INTU: variants seen among roughly 807,000 people sequenced by gnomAD.
The protein encoded by INTU is protein inturned.
In INTU, 68 loss-of-function variants were observed where a neutral mutation model predicts 100.5. The ratio of observed to expected loss-of-function variants is 0.68; its 90% CI spans 0.56 to 0.83. The LOEUF is 0.83. INTU is among the 40% of genes least tolerant of loss of function. The pLI, the probability that INTU is intolerant of heterozygous loss-of-function variation, is 0.00. For synonymous variants in INTU, 357 were observed against 395.7 expected, an observed-to-expected ratio of 0.90 and a Z score of 1.16; for missense variants, 1,071 against 1,114.7, an observed-to-expected ratio of 0.96 and a Z score of 0.56.
At chr4:127,634,936 CAAAGGCACAGG>C (rs978638302) in intron 1 of INTU, among the ~76,000 whole-genome samples, 24 of 152,212 alleles carry the variant, frequency 1.6e-4, no homozygotes, top group African/African-American at 5.5e-4. Context: ...ACTCTTTAAT[CAAAGGCACAGG>C]AATGCCAACC....
chr4:127,644,060 AGT>A lies in INTU; in HGVS notation c.682+7_682+8del, dbSNP rs1727459903. On this transcript the variant is annotated splice_donor_5th_base_variant and intron_variant, in intron 2 of 15. Coordinates refer to ENST00000335251, the MANE Select transcript of INTU (RefSeq NM_015693.4). ...AAGAGCGGTCAGGTACTCATTGGTA[AGT>A]GTTGCTGGTACACATCCATCCCTGT... 6.2e-7 allele frequency: 1 copy of A among 1,608,460 alleles called. No homozygotes were observed. Among genetic ancestry groups the A allele is most frequent in the Non-Finnish European group, 8.5e-7 (1 of 1,176,300 alleles).
chr4:127,635,927 T>C (rs1261069381), intron 1 of INTU, among the ~76,000 whole-genome samples: 2 of 152,314 alleles, frequency 1.3e-5, no homozygotes, highest in East Asian at 3.9e-4. Flanking sequence ...CCTTCTTTTA[T>C]TCAGCATAAT....
Position 127,675,469 on chromosome 4 carries a change from G to A in INTU, c.1181+1256G>A, listed in dbSNP as rs768164980. 3.5e-4 allele frequency among the ~76,000 whole-genome samples: 53 copies of A among 152,222 alleles called. 1 individual carries two copies. Among genetic ancestry groups the A allele is most frequent in the Middle Eastern group, 6.8e-3 (2 of 294 alleles). Reference sequence around the variant, plus strand: ...AGCAGTGTATTCATTTTTTATTGCTGTGTAACAAATCATTCCCAAAAACAT... The same window carrying A: ...AGCAGTGTATTCATTTTTTATTGCTATGTAACAAATCATTCCCAAAAACAT... On this transcript the variant is annotated intron_variant, in intron 6 of 15. Transcript: ENST00000335251.
chr4:127,704,575 G>A (rs1002032005), intron 10 of INTU, among the ~76,000 whole-genome samples: 2 of 152,022 alleles, frequency 1.3e-5, no homozygotes. Context: ...GATTACAGGC[G>A]TGAGCCACCA....
At chr4:127,702,883 A>G (rs1730709789) in intron 9 of INTU, among the ~76,000 whole-genome samples, 2 of 152,054 alleles carry the variant, frequency 1.3e-5, no homozygotes, top group Non-Finnish European at 2.9e-5. Context: ...AAAGTGAATC[A>G]TCCTGCTCAG....
chr4:127,687,796 G>A lies in INTU; in HGVS notation c.1378G>A (p.Asp460Asn), dbSNP rs781759614. Residue 460 changes from aspartate (D) to asparagine (N), a missense_variant, in exon 8 of 16, where the codon GAT becomes AAT. Coordinates refer to ENST00000335251, the MANE Select transcript of INTU (RefSeq NM_015693.4). ...CGCCAGTCCCAGTGCTCAGCAGTACGATGCTTCCAGTGCAGTACTTTTAGA... is the reference window on the plus strand; with the variant it reads ...CGCCAGTCCCAGTGCTCAGCAGTACAATGCTTCCAGTGCAGTACTTTTAGA... ...SSASPSAQQY[D>N]ASSAVLLDNL... 7.4e-6 allele frequency: 12 copies of A among 1,613,260 alleles called. No individual in the cohort carries two copies. Among genetic ancestry groups the A allele is most frequent in the South Asian group, 5.5e-5 (5 of 90,960 alleles).
At chr4:127,650,646 G>C (rs1727812931) in intron 2 of INTU, among the ~76,000 whole-genome samples, 1 of 151,848 alleles carries the variant, frequency 6.6e-6, no homozygotes, top group Non-Finnish European at 1.5e-5. Context: ...TTGGTTCCAA[G>C]TCTTTGCCAT....
chr4:127,635,413 A>G (rs1300245384), intron 1 of INTU, among the ~76,000 whole-genome samples: 1 of 152,198 alleles, frequency 6.6e-6, no homozygotes, highest in East Asian at 1.9e-4. Context: ...AACAATGCCA[A>G]GTTACCAGCT....
At chr4:127,702,659 T>G (rs1730699555) in intron 9 of INTU, among the ~76,000 whole-genome samples, 1 of 152,186 alleles carries the variant, frequency 6.6e-6, no homozygotes, top group African/African-American at 2.4e-5. Flanking sequence ...TAAGGATCTA[T>G]TCTACACTTT....
rs147093718 is a variant in INTU, at chr4:127,689,382, G to A, written c.1449+1515G>A. Among the ~76,000 whole-genome samples the A allele has an allele frequency of 9.3e-3, 1,413 of 152,274 alleles. 22 individuals are homozygous for A. The highest frequency in any genetic ancestry group is 0.028 in the African/African-American group (1,165 of 41,544). Reference sequence around the variant, plus strand: ...ATATAAGCATTGGCTGGGCATGGTGGCTCATGCCTGTAATCCTCGTGCTTT... The same window carrying A: ...ATATAAGCATTGGCTGGGCATGGTGACTCATGCCTGTAATCCTCGTGCTTT... On this transcript the variant is annotated intron_variant, in intron 8 of 15. Transcript: ENST00000335251.
At chr4:127,704,204 A>G (rs770769620) in intron 9 of INTU, 24 bp from the exon 10 acceptor site, 4 of 1,582,862 alleles carry the variant, frequency 2.5e-6, no homozygotes, top group Non-Finnish European at 3.5e-6. Flanking sequence ...AAAATATAAA[A>G]TCCACTATGA....
chr4:127,720,726 A>C lies in INTU; in HGVS notation c.*4290A>C, dbSNP rs1280021970. 2 of 152,148 alleles carry C rather than the reference A, an allele frequency of 1.3e-5. No individual in the cohort carries two copies. The highest frequency in any genetic ancestry group is 2.9e-5 in the Non-Finnish European group (2 of 68,028). 9.4% of individuals were successfully genotyped at this position (152,148 alleles called of 1,614,324 possible). A position where few individuals can be genotyped will look rare whatever the true frequency, so the allele number is the denominator to read the frequency against. On this transcript the variant is annotated 3_prime_UTR_variant, in exon 16 of 16. Coordinates refer to ENST00000335251, the MANE Select transcript of INTU (RefSeq NM_015693.4). ...TTGTTGAATTGACCCCTTTACCAGT[A>C]TGTAATGCCTTTGTCTTTTTTTTAA...
chr4:127,668,198 T>C (rs1306137740), intron 4 of INTU, among the ~76,000 whole-genome samples: 1 of 152,014 alleles, frequency 6.6e-6, no homozygotes, highest in East Asian at 1.9e-4. Flanking sequence ...AAAAATGAGG[T>C]ACAGAATGGT....
chr4:127,643,265 T>C (rs1727412531), intron 1 of INTU, among the ~76,000 whole-genome samples: 1 of 152,206 alleles, frequency 6.6e-6, no homozygotes, highest in African/African-American at 2.4e-5. Context: ...TTGGTTTTCC[T>C]TTCTATTGCT....
At chr4:127,664,343 T>C (rs964955469) in intron 4 of INTU, among the ~76,000 whole-genome samples, 5 of 152,194 alleles carry the variant, frequency 3.3e-5, no homozygotes, top group African/African-American at 1.2e-4. Flanking sequence ...ATGCCCTTTC[T>C]TTGATACCAG....
chr4:127,723,425 C>T lies in INTU; in HGVS notation c.*6989C>T, dbSNP rs550978539. ...TTTTTGCCTCTTGCATGTTGGTCAC[C>T]TCCTAAATTAGTAATGTCCAAGTAC... On this transcript the variant is annotated 3_prime_UTR_variant, in exon 16 of 16. Transcript: ENST00000335251. 119 of 148,750 alleles carry T rather than the reference C, an allele frequency of 8.0e-4. 1 individual carries two copies. Among genetic ancestry groups the T allele is most frequent in the African/African-American group, 2.8e-3 (114 of 40,028 alleles). The allele number at this position is 148,750 out of a possible 1,614,324, so 9.2% of individuals were successfully genotyped here.
At position 127,691,962 on chromosome 4, in the gene INTU, GTATATA is replaced by G. The variant is rs1553982611; in HGVS notation, c.1449+4109_1449+4114del. 1.2e-4 allele frequency among the ~76,000 whole-genome samples: 12 copies of G among 98,260 alleles called. 1 individual carries two copies. Among genetic ancestry groups the G allele is most frequent in the South Asian group, 1.2e-3 (3 of 2,482 alleles). The allele number at this position is 98,260 out of a possible 152,430, so 64.5% of individuals were successfully genotyped here. A position where few individuals can be genotyped will look rare whatever the true frequency, so the allele number is the denominator to read the frequency against. On this transcript the variant is annotated intron_variant, in intron 8 of 15. Transcript: ENST00000335251. ...GGCGGAGTATAGTGTTCCATGGTAT[GTATATA>G]TATATATATATATGTCACATTTTCT...
At chr4:127,714,157 G>C in intron 15 of INTU, 64 bp downstream of exon 15, 2 of 1,337,126 alleles carry the variant, frequency 1.5e-6, no homozygotes, top group Non-Finnish European at 2.1e-6. Flanking sequence ...AGTGGTAAAG[G>C]AGATTAACAT....
At chr4:127,680,079 C>G (rs1457494599) in intron 6 of INTU, among the ~76,000 whole-genome samples, 1 of 152,166 alleles carries the variant, frequency 6.6e-6, no homozygotes, top group Non-Finnish European at 1.5e-5. Flanking sequence ...CTGAATAGAA[C>G]AATAACAGAA....
Sources: gnomAD v4.1 joint callset for allele counts (sites outside exome capture counted in the v4.1 genomes callset) on GRCh38, gnomAD v4.1.1 for gene constraint, MANE v1.5 for transcripts, NCBI Gene and HGNC (gene_info 2026-07-23, HGNC 2026-07-21) for gene names.